The following ASAP1 variants were observed in gnomAD, a reference collection of about 807,000 sequenced individuals.
ASAP1 encodes the protein arf-GAP with SH3 domain, ANK repeat and PH domain-containing protein 1.
In ASAP1, 43 loss-of-function variants were observed where a neutral mutation model predicts 145.2. The observed-to-expected ratio is 0.30, with a 90% CI of 0.23 to 0.38. ASAP1 has a LOEUF of 0.38. Among genes scored for constraint, ASAP1 ranks in the 10% least tolerant of loss-of-function variants. ASAP1 has a pLI of 1.00. For synonymous variants in ASAP1, 546 were observed against 515.5 expected (o/e 1.06, Z -0.80); for missense variants, 1,018 against 1,355.3 (o/e 0.75, Z 3.91).
intron 3 of ASAP1, among the ~76,000 whole-genome samples, chr8:130,276,223 A>G (rs1243898142): frequency 4.6e-5 from 7 of 152,198 alleles, no homozygotes; most frequent in Non-Finnish European, 1.0e-4. Context: ...TTGTTTAAAA[A>G]AGAAGGCTGG....
intron 28 of ASAP1, 88 bp downstream of exon 28, chr8:130,060,491 T>G: frequency 6.7e-7 from 1 of 1,490,184 alleles, no homozygotes; most frequent in East Asian, 2.3e-5. Context: ...CTCTCACTTT[T>G]TCTTGTGTAA....
At position 130,145,507 on chromosome 8, in the gene ASAP1, C is replaced by T. The variant is rs181563709; in HGVS notation, c.1080+7229G>A. Among the ~76,000 whole-genome samples, 124 of 152,132 alleles carry T rather than the reference C, an allele frequency of 8.2e-4. 1 individual carries two copies. Among genetic ancestry groups the T allele is most frequent in the South Asian group, 5.2e-3 (25 of 4,822 alleles). ...TACTTTTCTGTATTTTTAGTAGAGA[C>T]GGGGTTTCACCATGTTGGCCAGGCT... On this transcript the variant is annotated intron_variant, in intron 13 of 29. Coordinates refer to ENST00000518721, the MANE Select transcript of ASAP1 (RefSeq NM_018482.4).
chr8:130,277,633 G>A (rs1377149672), intron 3 of ASAP1, among the ~76,000 whole-genome samples: 1 of 152,190 alleles, frequency 6.6e-6, no homozygotes, highest in Non-Finnish European at 1.5e-5. Flanking sequence ...GCACCAAGAA[G>A]TCTAAAGAGT....
intron 27 of ASAP1, among the ~76,000 whole-genome samples, chr8:130,066,359 C>T (rs1185653332): frequency 6.6e-6 from 1 of 152,152 alleles, no homozygotes; most frequent in African/African-American, 2.4e-5. Context: ...CTCCTGCAGA[C>T]AGTACATGGG....
At chr8:130,181,970 G>C (rs1814386659) in intron 7 of ASAP1, among the ~76,000 whole-genome samples, 1 of 152,138 alleles carries the variant, frequency 6.6e-6, no homozygotes, top group South Asian at 2.1e-4. Context: ...AGACATAGTG[G>C]AAAATCCACC....
chr8:130,416,572 G>A (rs1440295352), intron 1 of ASAP1, among the ~76,000 whole-genome samples: 1 of 152,096 alleles, frequency 6.6e-6, no homozygotes, highest in Admixed American at 6.5e-5. Flanking sequence ...CATCTTCTGG[G>A]GGCTGCTGTA....
chr8:130,210,260 G>A (rs1295896157), intron 5 of ASAP1, among the ~76,000 whole-genome samples: 1 of 151,822 alleles, frequency 6.6e-6, no homozygotes, highest in Admixed American at 6.6e-5. Flanking sequence ...TTACAAAAAT[G>A]TTAAACAATG....
rs568049064 is a variant in ASAP1, at chr8:130,187,227, A to G, written c.530+9T>C. 25 of 1,598,648 alleles carry G rather than the reference A, an allele frequency of 1.6e-5. No homozygotes were observed. Among genetic ancestry groups the G allele is most frequent in the South Asian group, 2.3e-5 (2 of 86,612 alleles). On this transcript the variant is annotated intron_variant, in intron 7 of 29. Coordinates refer to ENST00000518721, the MANE Select transcript of ASAP1 (RefSeq NM_018482.4). ...AACAAACAAAAACTCTAAACAAAAA[A>G]CCACTTACAACTTTGTCTCATAATC...
rs902946113 is a variant in ASAP1, at chr8:130,358,287, G to A, written c.60-144C>T. 64 of 521,540 alleles carry A rather than the reference G, an allele frequency of 1.2e-4. No homozygotes were observed. The African/African-American group carries it at 1.2e-3, about 10-fold the overall frequency. 32.3% of individuals were successfully genotyped at this position (521,540 alleles called of 1,614,324 possible). ...GGCCTGGCGCGCGGCTCCCGTCCCC[G>A]GCAGCGGCGAGAGGGAGGGAAGGAG... On this transcript the variant is annotated intron_variant, in intron 2 of 29. Coordinates refer to ENST00000518721, the MANE Select transcript of ASAP1 (RefSeq NM_018482.4). The surrounding 1 kb of genome is among the most constrained non-coding windows in gnomAD (Gnocchi z 4.1).
At chr8:130,057,801 C>T (rs1206543561) in intron 29 of ASAP1, among the ~76,000 whole-genome samples, 153 bp downstream of exon 29, 5 of 152,196 alleles carry the variant, frequency 3.3e-5, no homozygotes, top group Non-Finnish European at 7.3e-5. Context: ...GAAAAGACAC[C>T]AAATGCAATG....
chr8:130,154,643 A>G (rs2097654269), intron 12 of ASAP1, among the ~76,000 whole-genome samples: 1 of 152,230 alleles, frequency 6.6e-6, no homozygotes, highest in Non-Finnish European at 1.5e-5. Context: ...TTAGTCCTCT[A>G]AGAAAGCTGC....
At chr8:130,093,087 T>A (rs369615605) in intron 24 of ASAP1, among the ~76,000 whole-genome samples, 1 of 152,124 alleles carries the variant, frequency 6.6e-6, no homozygotes, top group Non-Finnish European at 1.5e-5. Flanking sequence ...AACATTTATA[T>A]AGACACTGAT....
In ASAP1 at chr8:130,054,609, A is replaced by AGG. The variant is rs1418784687; in HGVS notation, c.*120_*121dup. On this transcript the variant is annotated 3_prime_UTR_variant, in exon 30 of 30. Transcript: ENST00000518721. ...CAACACACATTATATCCCCCTCCTG[A>AGG]GGTGGCCCTTCCATGAGTTTCTTAC... 4 of 789,182 alleles carry AGG rather than the reference A, an allele frequency of 5.1e-6. No individual in the cohort carries two copies. Among genetic ancestry groups the AGG allele is most frequent in the Non-Finnish European group, 6.6e-6 (3 of 452,674 alleles). 48.9% of individuals were successfully genotyped at this position (789,182 alleles called of 1,614,324 possible). A position where few individuals can be genotyped will look rare whatever the true frequency, so the allele number is the denominator to read the frequency against.
chr8:130,115,901 G>C (rs1177418241), intron 22 of ASAP1, among the ~76,000 whole-genome samples, 166 bp from the exon 23 acceptor site: 2 of 152,180 alleles, frequency 1.3e-5, no homozygotes, highest in East Asian at 3.8e-4. Flanking sequence ...TATGTGACAG[G>C]CTCAAGAAGA....
At chr8:130,145,074 A>G (rs2097624677) in intron 13 of ASAP1, among the ~76,000 whole-genome samples, 1 of 152,190 alleles carries the variant, frequency 6.6e-6, no homozygotes, top group Non-Finnish European at 1.5e-5. Flanking sequence ...ACTGCACCCA[A>G]TGAATGTGCT....
intron 3 of ASAP1, among the ~76,000 whole-genome samples, chr8:130,240,098 G>A (rs1358890928): frequency 6.6e-6 from 1 of 152,104 alleles, no homozygotes; most frequent in Non-Finnish European, 1.5e-5. Context: ...GCAAATGAAT[G>A]TGAAAGATTT....
intron 27 of ASAP1, among the ~76,000 whole-genome samples, chr8:130,073,251 G>A (rs974871695): frequency 2.4e-4 from 36 of 151,952 alleles, no homozygotes; most frequent in Admixed American, 1.2e-3. Context: ...TTTGATGGGC[G>A]TGGTGGTACA....
chr8:130,240,000 G>A (rs75919890), intron 3 of ASAP1, among the ~76,000 whole-genome samples: 2,427 of 152,144 alleles, frequency 0.016, 37 homozygotes, highest in East Asian at 0.063. Flanking sequence ...ATAACCTATC[G>A]GTTATCTTTG....
At chr8:130,181,796 C>T (rs766201518) in intron 7 of ASAP1, among the ~76,000 whole-genome samples, 36 of 152,264 alleles carry the variant, frequency 2.4e-4, no homozygotes, top group Middle Eastern at 3.4e-3. Flanking sequence ...AGCCTGCTTT[C>T]CAAAAATCAT....
Sources: allele counts gnomAD v4.1 joint callset (sites outside exome capture counted in the v4.1 genomes callset), GRCh38; gene constraint gnomAD v4.1.1; non-coding constraint Gnocchi (gnomAD v3.1); transcripts MANE v1.5; gene names NCBI Gene and HGNC (gene_info 2026-07-23, HGNC 2026-07-21).